The following ADCY1 variants were observed in gnomAD, a reference collection of about 807,000 sequenced individuals.
ADCY1 encodes adenylate cyclase 1.
A neutral mutation model predicts 105.4 loss-of-function variants in ADCY1; 28 were observed. The ratio of observed to expected loss-of-function variants is 0.27; its 90% CI spans 0.20 to 0.36. The LOEUF (loss-of-function observed/expected upper bound fraction) is 0.36. ADCY1 is among the 10% of genes least tolerant of loss of function. ADCY1 has a pLI of 1.00. For missense variants in ADCY1, 977 were observed against 1,434.2 expected, an observed-to-expected ratio of 0.68 and a Z score of 5.15; for synonymous variants, 655 against 623.8, an observed-to-expected ratio of 1.05 and a Z score of -0.75.
intron 14 of ADCY1, among the ~76,000 whole-genome samples, chr7:45,698,807 C>T (rs566905927): frequency 6.6e-6 from 1 of 152,332 alleles, no homozygotes; most frequent in African/African-American, 2.4e-5. Context: ...CCCCATGCCT[C>T]ACCCTCCTAT....
At position 45,599,172 on chromosome 7, in the gene ADCY1, A is replaced by G. The variant is rs547706736; in HGVS notation, c.789+6264A>G. ...GCATCAGAGGCTCTAGAATGCTCCC[A>G]GCTCCCAACTTGTTGGTCATATGGC... On this transcript the variant is annotated intron_variant, in intron 2 of 19. Transcript: ENST00000297323. Among the ~76,000 whole-genome samples the G allele has an allele frequency of 1.3e-3, 192 of 152,206 alleles. 1 individual carries two copies. The highest frequency in any genetic ancestry group is 2.7e-3 in the Admixed American group (41 of 15,288).
intron 7 of ADCY1, among the ~76,000 whole-genome samples, chr7:45,661,529 C>T (rs1241599225): frequency 1.3e-5 from 2 of 152,046 alleles, no homozygotes; most frequent in Non-Finnish European, 2.9e-5. Flanking sequence ...CTCATTTGAC[C>T]TTGAGAAGGC....
At chr7:45,662,279 C>A in intron 8 of ADCY1, 65 bp downstream of exon 8, 1 of 1,524,724 alleles carries the variant, frequency 6.6e-7, no homozygotes, top group East Asian at 2.4e-5. Flanking sequence ...CCTGCCCTCC[C>A]AATATGGCCC....
chr7:45,703,863 A>C lies in ADCY1; in HGVS notation c.2718+117A>C. 7.2e-7 allele frequency: 1 copy of C among 1,391,160 alleles called. No individual in the cohort carries two copies. Among genetic ancestry groups the C allele is most frequent in the Admixed American group, 2.4e-5 (1 of 42,422 alleles). 86.2% of individuals were successfully genotyped at this position (1,391,160 alleles called of 1,614,324 possible). On this transcript the variant is annotated intron_variant, in intron 16 of 19. Transcript: ENST00000297323. This position sits in a 1 kb window ranked among gnomAD's most constrained non-coding sequence, Gnocchi z 5.9. Reference sequence around the variant, plus strand: ...TTCGTAGCTGGAATGAGAGAAAGCAAATCCCGGGAAGCACAGGCATTCTGT... The same window carrying C: ...TTCGTAGCTGGAATGAGAGAAAGCACATCCCGGGAAGCACAGGCATTCTGT...
Position 45,575,334 on chromosome 7 carries a change from T to TG in ADCY1, c.639+156dup. On this transcript the variant is annotated intron_variant, in intron 1 of 19. Coordinates refer to ENST00000297323, the MANE Select transcript of ADCY1 (RefSeq NM_021116.4). The surrounding 1 kb of genome is among the most constrained non-coding windows in gnomAD (Gnocchi z 4.7). ...TGTGTTCAAGGTCACTCCTACGAGTTGGGGACGCAGTCGGGGCTGGCACCC... is the reference window on the plus strand; with the variant it reads ...TGTGTTCAAGGTCACTCCTACGAGTTGGGGGACGCAGTCGGGGCTGGCACCC... 9.7e-7 allele frequency: 1 copy of TG among 1,033,910 alleles called. No individual in the cohort carries two copies. The highest frequency in any genetic ancestry group is 3.2e-4 in the Middle Eastern group (1 of 3,108). The allele number at this position is 1,033,910 out of a possible 1,614,324, so 64.0% of individuals were successfully genotyped here.
intron 14 of ADCY1, among the ~76,000 whole-genome samples, chr7:45,700,354 G>T (rs945110934): frequency 6.6e-6 from 1 of 152,192 alleles, no homozygotes; most frequent in African/African-American, 2.4e-5. Flanking sequence ...TCTTGCTTAA[G>T]GGAAAACCAA....
chr7:45,601,404 A>G (rs1793234487), intron 2 of ADCY1, among the ~76,000 whole-genome samples: 1 of 152,010 alleles, frequency 6.6e-6, no homozygotes, highest in African/African-American at 2.4e-5. Context: ...GTGGGTGATG[A>G]GGGGCGGTGG....
At chr7:45,607,284 A>G (rs1256926384) in intron 2 of ADCY1, among the ~76,000 whole-genome samples, 1 of 152,148 alleles carries the variant, frequency 6.6e-6, no homozygotes. Flanking sequence ...GATGTGATCC[A>G]TGAAACCCTC....
intron 11 of ADCY1, 138 bp from the exon 12 acceptor site, chr7:45,684,841 T>G: frequency 2.9e-6 from 2 of 682,470 alleles, no homozygotes; most frequent in Non-Finnish European, 5.1e-6. Context: ...CCAAGAGACA[T>G]GTGAGGAGGG....
rs1429595790 is a variant in ADCY1, at chr7:45,575,002, T to G, written c.459T>G (p.Ala153=). 6.2e-7 allele frequency: 1 copy of G among 1,611,186 alleles called. No homozygotes were observed. Among genetic ancestry groups the G allele is most frequent in the East Asian group, 2.2e-5 (1 of 44,828 alleles). Residue 153 remains alanine, a synonymous_variant, in exon 1 of 20, where the codon GCT becomes GCG. Coordinates refer to ENST00000297323, the MANE Select transcript of ADCY1 (RefSeq NM_021116.4). The surrounding 1 kb of genome is among the most constrained non-coding windows in gnomAD (Gnocchi z 4.7). ...CCGCCCGGGGTTCCGCCGGGGCCGCTGGGGGGCCAGCGACCGCCGAACAAG... is the reference window on the plus strand; with the variant it reads ...CCGCCCGGGGTTCCGCCGGGGCCGCGGGGGGGCCAGCGACCGCCGAACAAG... The part of the protein sequence containing the change: ...GGPARGSAGA[A]GGPATAEQGV...
intron 4 of ADCY1, among the ~76,000 whole-genome samples, chr7:45,629,900 T>C (rs1260367482): frequency 6.6e-6 from 1 of 152,228 alleles, no homozygotes; most frequent in African/African-American, 2.4e-5. Context: ...AGTGTGTGAG[T>C]TCCAGTTGCT....
At chr7:45,674,339 T>G (rs1297471926) in intron 8 of ADCY1, among the ~76,000 whole-genome samples, 1 of 152,124 alleles carries the variant, frequency 6.6e-6, no homozygotes, top group Non-Finnish European at 1.5e-5. Flanking sequence ...GATGTTGACA[T>G]CTCCAACTAT....
intron 1 of ADCY1, among the ~76,000 whole-genome samples, chr7:45,581,778 C>A (rs1792552584): frequency 6.6e-6 from 1 of 152,162 alleles, no homozygotes; most frequent in South Asian, 2.1e-4. Flanking sequence ...ATCCATCCTT[C>A]CTCTTTGCAT....
intron 2 of ADCY1, among the ~76,000 whole-genome samples, chr7:45,597,372 T>G (rs1330518587): frequency 1.3e-5 from 2 of 152,230 alleles, no homozygotes; most frequent in Non-Finnish European, 2.9e-5. Flanking sequence ...AGATCGTTCT[T>G]GCCCCGTTTG....
At chr7:45,660,280 T>C in intron 7 of ADCY1, 97 bp downstream of exon 7, 1 of 1,503,748 alleles carries the variant, frequency 6.7e-7, no homozygotes, top group Non-Finnish European at 9.1e-7. Context: ...CTCCAAGCAC[T>C]GCTTCTCTGG....
Position 45,703,513 on chromosome 7 carries a change from T to C in ADCY1, c.2571+21T>C, listed in dbSNP as rs1253422506. The C allele has an allele frequency of 1.9e-6, 3 of 1,613,958 alleles. No individual in the cohort carries two copies. Among genetic ancestry groups the C allele is most frequent in the Admixed American group, 3.3e-5 (2 of 60,014 alleles). ...ACATGGTGAGCACCCAGCCTGCTCC[T>C]GGCCAGCACTAGCCCTACACTGCTC... is the stretch of plus-strand genomic sequence containing the variant. On this transcript the variant is annotated intron_variant, in intron 15 of 19. Transcript: ENST00000297323. The surrounding 1 kb of genome is among the most constrained non-coding windows in gnomAD (Gnocchi z 5.9).
chr7:45,619,551 A>G (rs1793835529), intron 3 of ADCY1, among the ~76,000 whole-genome samples: 1 of 152,172 alleles, frequency 6.6e-6, no homozygotes, highest in African/African-American at 2.4e-5. Context: ...ACATACACAC[A>G]CACATATACG....
chr7:45,575,107 G>T lies in ADCY1; in HGVS notation c.564G>T (p.Gly188=). The T allele has an allele frequency of 6.2e-7, 1 of 1,612,528 alleles. No homozygotes were observed. Among genetic ancestry groups the T allele is most frequent in the Non-Finnish European group, 8.5e-7 (1 of 1,179,866 alleles). ...PVRSLLAIGF[G]LVVAASHLLV... ...GCAGCCTGCTGGCCATAGGCTTTGG[G>T]CTCGTGGTGGCTGCGTCGCACTTGC... The change falls in exon 1 of 20, where the codon GGG becomes GGT. Residue 188 remains glycine (G), a synonymous_variant. Coordinates refer to ENST00000297323, the MANE Select transcript of ADCY1 (RefSeq NM_021116.4). The surrounding 1 kb of genome is among the most constrained non-coding windows in gnomAD (Gnocchi z 4.7).
intron 17 of ADCY1, among the ~76,000 whole-genome samples, chr7:45,707,743 G>A (rs999283544): frequency 3.3e-5 from 5 of 152,144 alleles, no homozygotes; most frequent in African/African-American, 4.8e-5. Flanking sequence ...AACAATAGGC[G>A]AAACTGTGGG....
Sources: allele counts gnomAD v4.1 joint callset (sites outside exome capture counted in the v4.1 genomes callset), GRCh38; gene constraint gnomAD v4.1.1; non-coding constraint Gnocchi (gnomAD v3.1); transcripts MANE v1.5; gene names NCBI Gene and HGNC (gene_info 2026-07-23, HGNC 2026-07-21).